FAM149A: variants seen among roughly 807,000 people sequenced by gnomAD.
FAM149A encodes the protein protein FAM149A.
Under a neutral mutation model 78.2 loss-of-function variants are expected in FAM149A, and 71 were observed. The ratio of observed to expected loss-of-function variants is 0.91; its 90% CI spans 0.75 to 1.11. The LOEUF (loss-of-function observed/expected upper bound fraction) is 1.11, where lower values mean the gene tolerates loss of function less well. Ranked by LOEUF, FAM149A falls within the 50% of genes least tolerant of loss-of-function variation. The pLI is 0.00. For missense variants in FAM149A, 1,036 were observed against 971.0 expected, an observed-to-expected ratio of 1.07 and a Z score of -0.89; for synonymous variants, 446 against 410.5, an observed-to-expected ratio of 1.09 and a Z score of -1.04.
At chr4:186,106,086 C>T (rs1247780253) in intron 1 of FAM149A, among the ~76,000 whole-genome samples, 1 of 152,176 alleles carries the variant, frequency 6.6e-6, no homozygotes, top group Non-Finnish European at 1.5e-5. Context: ...AAGGACCAGT[C>T]CCTAGTCTTA....
At chr4:186,145,085 G>C (rs1342914136) in intron 1 of FAM149A, 21 of 985,402 alleles carry the variant, frequency 2.1e-5, no homozygotes, top group Non-Finnish European at 2.4e-5. Context: ...GGGGCTGCGA[G>C]CACAGGCCCG....
intron 2 of FAM149A, chr4:186,149,574 TG>T: frequency 3.1e-6 from 4 of 1,289,880 alleles, no homozygotes; most frequent in Non-Finnish European, 4.0e-6. Context: ...AGCAAATCCT[TG>T]TCATCCTTTT....
chr4:186,125,153 T>A (rs2099317764), intron 1 of FAM149A: 1 of 585,060 alleles, frequency 1.7e-6, no homozygotes, highest in Non-Finnish European at 2.2e-6. Flanking sequence ...TCCACAGCCA[T>A]ACAAGTCAAT....
intron 3 of FAM149A, chr4:186,150,975 C>T (rs1033363852): frequency 3.1e-6 from 3 of 954,340 alleles, no homozygotes; most frequent in Non-Finnish European, 3.7e-6. Context: ...CTGCCTGGGC[C>T]TCCCATGGCA....
At chr4:186,167,133 A>C in intron 12 of FAM149A, 37 bp downstream of exon 12, 1 of 1,601,860 alleles carries the variant, frequency 6.2e-7, no homozygotes, top group Non-Finnish European at 8.5e-7. Flanking sequence ...AATTTTGAAA[A>C]ACATTTGAAA....
In FAM149A at chr4:186,163,600, T is replaced by G; in HGVS notation, c.1856T>G (p.Ile619Ser). 1 of 1,614,152 alleles carries G rather than the reference T, an allele frequency of 6.2e-7. No individual in the cohort carries two copies. The highest frequency in any genetic ancestry group is 8.5e-7 in the Non-Finnish European group (1 of 1,180,016). ...TCACAGAGACTAAAAACTCCCAACA[T>G]CTATAGTGACGAAGTTCTTCGGGGA... Residue 619 changes from isoleucine (I) to serine (S), a missense_variant, in exon 10 of 14, where the codon ATC (isoleucine) becomes AGC (serine). Around this residue, in one of 3 missense-constraint regions of FAM149A, gnomAD observed 716 missense variants for 711.8 expected, o/e 1.01. Transcript: ENST00000389354.
intron 1 of FAM149A, chr4:186,109,882 G>T: frequency 1.0e-6 from 1 of 985,322 alleles, no homozygotes; most frequent in Non-Finnish European, 1.2e-6. Flanking sequence ...TTCCCTGCAT[G>T]ACTTACAGAA....
intron 13 of FAM149A, chr4:186,169,628 T>A: frequency 1.0e-6 from 1 of 985,384 alleles, no homozygotes; most frequent in Non-Finnish European, 1.2e-6. Flanking sequence ...CATTCAGGAA[T>A]GAATTAAAAA....
At chr4:186,107,623 C>T (rs181447129) in intron 1 of FAM149A, 1 of 152,376 alleles carries the variant, frequency 6.6e-6, no homozygotes, top group Non-Finnish European at 1.5e-5. Flanking sequence ...ACGGGGTCTC[C>T]CTATGTTGCC....
intron 1 of FAM149A, chr4:186,116,497 A>G (rs2099313776): frequency 1.0e-6 from 1 of 985,298 alleles, no homozygotes. Flanking sequence ...TTGGTTTTCC[A>G]TATCGAGTAT....
At chr4:186,137,633 G>A (rs1245215730) in intron 1 of FAM149A, among the ~76,000 whole-genome samples, 2 of 151,782 alleles carry the variant, frequency 1.3e-5, no homozygotes, top group Non-Finnish European at 2.9e-5. Context: ...GTTGACATCT[G>A]GTGGCTTTCT....
chr4:186,119,928 T>G (rs1026472961), intron 1 of FAM149A, among the ~76,000 whole-genome samples: 2 of 152,244 alleles, frequency 1.3e-5, no homozygotes, highest in Non-Finnish European at 2.9e-5. Context: ...GAAGTTTTCT[T>G]GCTAAATTAA....
intron 1 of FAM149A, chr4:186,132,172 T>C: frequency 1.0e-6 from 1 of 985,472 alleles, no homozygotes; most frequent in Non-Finnish European, 1.2e-6. Context: ...TATGTCACTT[T>C]TAATGAAGGG....
intron 4 of FAM149A, among the ~76,000 whole-genome samples, chr4:186,153,023 TG>T (rs1273155205): frequency 1.3e-5 from 2 of 151,904 alleles, no homozygotes; most frequent in Non-Finnish European, 2.9e-5. Context: ...CAACTAGGGT[TG>T]TTTTTTTTTT....
intron 1 of FAM149A, chr4:186,117,978 A>G (rs2099314423): frequency 1.0e-5 from 10 of 985,302 alleles, no homozygotes; most frequent in Non-Finnish European, 1.2e-5. Flanking sequence ...GGACCACAGA[A>G]GATGCGGGTT....
chr4:186,160,159 GCACA>G (rs969906479), intron 8 of FAM149A, among the ~76,000 whole-genome samples: 2 of 86,166 alleles, frequency 2.3e-5, no homozygotes, highest in Non-Finnish European at 4.6e-5. Flanking sequence ...CACACTACAC[GCACA>G]CACACCACAC....
At chr4:186,118,285 A>G (rs2099314558) in intron 1 of FAM149A, 2 of 967,192 alleles carry the variant, frequency 2.1e-6, no homozygotes, top group South Asian at 4.8e-5. Flanking sequence ...CTCTGCTGGA[A>G]CAGTGCTTCT....
chr4:186,121,196 T>C (rs1221548447), intron 1 of FAM149A, among the ~76,000 whole-genome samples: 1 of 152,124 alleles, frequency 6.6e-6, no homozygotes, highest in African/African-American at 2.4e-5. Context: ...GAGCAAGCAT[T>C]GTCTTACTAG....
intron 8 of FAM149A, chr4:186,158,500 G>A (rs903606883): frequency 9.3e-7 from 1 of 1,080,292 alleles, no homozygotes; most frequent in Non-Finnish European, 1.1e-6. Flanking sequence ...CAGAGACCCT[G>A]AAGAGATTGA....
Sources: allele counts gnomAD v4.1 joint callset (sites outside exome capture counted in the v4.1 genomes callset), GRCh38; gene constraint gnomAD v4.1.1; regional missense constraint gnomAD v4.1.1; transcripts MANE v1.5; gene names NCBI Gene and HGNC (gene_info 2026-07-23, HGNC 2026-07-21).